Variants in ESS2 observed in about 807,000 individuals in gnomAD.
ESS2 encodes ess-2 spliceosome associated protein.
A neutral mutation model predicts 52.0 loss-of-function variants in ESS2; 31 were observed. The ratio of observed to expected loss-of-function variants is 0.60; its 90% CI spans 0.45 to 0.81. ESS2 has a LOEUF of 0.81. ESS2 is among the 30% of genes least tolerant of loss of function. The pLI is 0.00. For missense variants in ESS2, 602 were observed against 637.2 expected, an observed-to-expected ratio of 0.94 and a Z score of 0.59; for synonymous variants, 285 against 259.2, an observed-to-expected ratio of 1.10 and a Z score of -0.95.
chr22:19,139,777 T>C, intron 4 of ESS2, 48 bp from the exon 5 acceptor site: 1 of 1,613,852 alleles, frequency 6.2e-7, no homozygotes. Flanking sequence ...CCCTGGGCAT[T>C]GTACCCATGG....
intron 3 of ESS2, among the ~76,000 whole-genome samples, chr22:19,141,663 GAA>G (rs2083688304): frequency 6.6e-6 from 1 of 152,210 alleles, no homozygotes; most frequent in South Asian, 2.1e-4. Flanking sequence ...GCCAATTAGG[GAA>G]AGAGACCATA....
intron 3 of ESS2, 121 bp downstream of exon 3, chr22:19,142,417 G>A (rs927133346): frequency 1.0e-5 from 9 of 874,510 alleles, no homozygotes; most frequent in East Asian, 1.0e-4. Flanking sequence ...TGCTATTTAC[G>A]CAAGACCCCT....
chr22:19,139,833 A>T (rs1569110625), intron 4 of ESS2, 22 bp downstream of exon 4: 2 of 1,613,892 alleles, frequency 1.2e-6, no homozygotes, highest in Non-Finnish European at 1.7e-6. Context: ...CGCCTATGTG[A>T]CACCCCAGAC....
chr22:19,139,887 A>G lies in ESS2; in HGVS notation c.538T>C (p.Trp180Arg). 1 of 1,614,108 alleles carries G rather than the reference A, an allele frequency of 6.2e-7. No homozygotes were observed. The highest frequency in any genetic ancestry group is 8.5e-7 in the Non-Finnish European group (1 of 1,179,994). ...AKERSRARHAWLYQAEEEFEK... is the reference protein window; with the variant it reads ...AKERSRARHARLYQAEEEFEK... The stretch of plus-strand genomic sequence containing the variant: ...AACTCTTCCTCAGCCTGGTAGAGCC[A>G]AGCGTGGCGTGCCCGGCTTCTCTCC... The change falls in exon 4 of 10, where the codon TGG becomes CGG. Residue 180 changes from tryptophan to arginine, a missense_variant. Physicochemically the swap from Trp to Arg is moderately radical, Grantham distance 101. Coordinates refer to ENST00000252137, the MANE Select transcript of ESS2 (RefSeq NM_022719.3).
chr22:19,142,557 G>A lies in ESS2; in HGVS notation c.381C>T (p.Arg127=), dbSNP rs146347276. 7.8e-5 allele frequency: 126 copies of A among 1,609,352 alleles called. No homozygotes were observed. Among genetic ancestry groups the A allele is most frequent in the Admixed American group, 1.7e-4 (10 of 58,714 alleles). The part of the protein sequence containing the change: ...TGVVGNKPRP[R]GRGLEDGEAG... Reference sequence around the variant, plus strand: ...ACTCACCATCCTCCAGGCCTCGGCCGCGGGGCCTGGGCTTGTTGCCCACCA... The same window carrying A: ...ACTCACCATCCTCCAGGCCTCGGCCACGGGGCCTGGGCTTGTTGCCCACCA... The change falls in exon 3 of 10, where the codon CGC becomes CGT. Residue 127 remains arginine, a synonymous_variant. Coordinates refer to ENST00000252137, the MANE Select transcript of ESS2 (RefSeq NM_022719.3).
In ESS2 at chr22:19,137,433, C is replaced by T; in HGVS notation, c.926-1G>A. 1 of 1,611,274 alleles carries T rather than the reference C, an allele frequency of 6.2e-7. No individual in the cohort carries two copies. The highest frequency in any genetic ancestry group is 8.5e-7 in the Non-Finnish European group (1 of 1,178,410). On this transcript the variant is annotated splice_acceptor_variant, in intron 7 of 9. Transcript: ENST00000252137. LOFTEE classifies it high-confidence loss of function. Reference sequence around the variant, plus strand: ...GTCATCATCGGGGACTCGTTCACACCTGCAGACAAAGAGCCCAAAACCACC... The same window carrying T: ...GTCATCATCGGGGACTCGTTCACACTTGCAGACAAAGAGCCCAAAACCACC...
At chr22:19,144,223 G>C (rs895186614) in intron 1 of ESS2, 5 of 1,197,442 alleles carry the variant, frequency 4.2e-6, no homozygotes, top group Non-Finnish European at 4.2e-6. Context: ...CATCCTTCCA[G>C]TTTGTCAAAC....
intron 1 of ESS2, among the ~76,000 whole-genome samples, chr22:19,143,591 C>T (rs921455875): frequency 7.9e-5 from 12 of 152,206 alleles, no homozygotes; most frequent in African/African-American, 2.9e-4. Flanking sequence ...CATGGTAGCT[C>T]ACGCCTGTAA....
At chr22:19,135,438 G>C (rs2083565173) in intron 8 of ESS2, among the ~76,000 whole-genome samples, 2 of 152,222 alleles carry the variant, frequency 1.3e-5, no homozygotes. Context: ...GTCTGTTTTA[G>C]TGTTTCCCTG....
rs773360488 is a variant in ESS2, at chr22:19,142,618, GT to G, written c.319del (p.Thr107HisfsTer42). On this transcript the variant is annotated frameshift_variant, in exon 3 of 10. Transcript: ENST00000252137. LOFTEE classifies it high-confidence loss of function. ...TGCATGCACCTCAGGGGTTTCAAAT[GT>G]GGCTGGAGTCACATCTAGGGGAAGA... Reference protein sequence around the residue: ...EPPPPYVTPATFETPEVHAGT... With the variant: ...EPPPPYVTPAXFETPEVHAGT... The G allele has an allele frequency of 4.3e-6, 7 of 1,613,446 alleles. No homozygotes were observed. Among genetic ancestry groups the G allele is most frequent in the Admixed American group, 1.7e-5 (1 of 59,846 alleles).
chr22:19,136,823 C>T (rs2083590296), intron 8 of ESS2, among the ~76,000 whole-genome samples: 1 of 152,140 alleles, frequency 6.6e-6, no homozygotes, highest in Non-Finnish European at 1.5e-5. Flanking sequence ...GAAAGGCCCG[C>T]AGTGGTATGG....
At position 19,131,662 on chromosome 22, in the gene ESS2, T is replaced by C. The variant is rs1186085198; in HGVS notation, c.*2534A>G. ...GAGACCTCTGACGGACGGATCTACA[T>C]CATCATGGAGCTTGGCGTCCAGGGC... On this transcript the variant is annotated 3_prime_UTR_variant, in exon 10 of 10. Coordinates refer to ENST00000252137, the MANE Select transcript of ESS2 (RefSeq NM_022719.3). This position sits in a 1 kb window ranked among gnomAD's most constrained non-coding sequence, Gnocchi z 5.7. 1 of 1,613,762 alleles carries C rather than the reference T, an allele frequency of 6.2e-7. No homozygotes were observed. The highest frequency in any genetic ancestry group is 8.5e-7 in the Non-Finnish European group (1 of 1,179,958).
Position 19,133,793 on chromosome 22 carries a change from C to T in ESS2, c.*403G>A, listed in dbSNP as rs546739386. On this transcript the variant is annotated 3_prime_UTR_variant, in exon 10 of 10. Coordinates refer to ENST00000252137, the MANE Select transcript of ESS2 (RefSeq NM_022719.3). The stretch of plus-strand genomic sequence containing the variant: ...GCCGCAGAAAGCAACGCCAGTCACC[C>T]GGTGCTCCCACAGCCGCCCCACCTG... The T allele has an allele frequency of 1.3e-4, 23 of 182,178 alleles. No homozygotes were observed. In the South Asian group the frequency reaches 3.4e-3, roughly 27 times the overall value. 11.3% of individuals were successfully genotyped at this position (182,178 alleles called of 1,614,324 possible).
At position 19,134,051 on chromosome 22, in the gene ESS2, C is replaced by T. The variant is rs2083536731; in HGVS notation, c.*145G>A. On this transcript the variant is annotated 3_prime_UTR_variant, in exon 10 of 10. Transcript: ENST00000252137. ...GTGCCTTGTGCCAGTCTGGCCCCAG[C>T]ACAGCCCCTTTCTCCAGTGACTCCT... The T allele has an allele frequency of 2.9e-6, 3 of 1,037,748 alleles. No individual in the cohort carries two copies. Among genetic ancestry groups the T allele is most frequent in the South Asian group, 6.0e-5 (2 of 33,246 alleles). The allele number at this position is 1,037,748 out of a possible 1,614,324, so 64.3% of individuals were successfully genotyped here.
At position 19,138,235 on chromosome 22, in the gene ESS2, G is replaced by T; in HGVS notation, c.905C>A (p.Ala302Asp). The change falls in exon 7 of 10, where the codon GCC (alanine) becomes GAC (aspartate). Residue 302 changes from alanine (A) to aspartate (D), a missense_variant. By Grantham distance (126) the Ala-to-Asp change is moderately radical. Transcript: ENST00000252137. Reference sequence around the variant, plus strand: ...CTCACCAGGGGCAGGGGAAGGAGTGGCAACAAATCCAAATCCACCCACTCG... The same window carrying T: ...CTCACCAGGGGCAGGGGAAGGAGTGTCAACAAATCCAAATCCACCCACTCG... ...SPRVGGFGFV[A>D]TPSPAPGVNE... The T allele has an allele frequency of 6.2e-7, 1 of 1,614,062 alleles. No homozygotes were observed. Among genetic ancestry groups the T allele is most frequent in the Non-Finnish European group, 8.5e-7 (1 of 1,179,980 alleles).
At chr22:19,138,036 C>A (rs766833827) in intron 7 of ESS2, 179 bp downstream of exon 7, 68 of 985,256 alleles carry the variant, frequency 6.9e-5, no homozygotes, top group Non-Finnish European at 8.2e-5. Context: ...CCCACGGCCC[C>A]AAGCAGCCTG....
chr22:19,137,317 A>G lies in ESS2; in HGVS notation c.1035+6T>C. 6.2e-7 allele frequency: 1 copy of G among 1,606,268 alleles called. No individual in the cohort carries two copies. The highest frequency in any genetic ancestry group is 8.5e-7 in the Non-Finnish European group (1 of 1,174,924). On this transcript the variant is annotated splice_donor_region_variant and intron_variant, in intron 8 of 9. Coordinates refer to ENST00000252137, the MANE Select transcript of ESS2 (RefSeq NM_022719.3). ...CGCACACAGTTCCCCCATCACCACA[A>G]CCCACCTTAAAAGCTGGGCCGGGTG... is the stretch of plus-strand genomic sequence containing the variant.
At chr22:19,134,566 G>A in intron 9 of ESS2, 91 bp from the exon 10 acceptor site, 1 of 1,340,248 alleles carries the variant, frequency 7.5e-7, no homozygotes. Context: ...GAAGAGCCTG[G>A]GCAGAGACAC....
chr22:19,132,665 T>C lies in ESS2; in HGVS notation c.*1531A>G, dbSNP rs1468685987. On this transcript the variant is annotated 3_prime_UTR_variant, in exon 10 of 10. Coordinates refer to ENST00000252137, the MANE Select transcript of ESS2 (RefSeq NM_022719.3). This position sits in a 1 kb window ranked among gnomAD's most constrained non-coding sequence, Gnocchi z 4.2. ...TCCACTTAGCAGCAAAGACGTTCCTTACTGACCACCAAATAAACCACAGGG... is the reference window on the plus strand; with the variant it reads ...TCCACTTAGCAGCAAAGACGTTCCTCACTGACCACCAAATAAACCACAGGG... 2.4e-5 allele frequency: 15 copies of C among 626,362 alleles called. No homozygotes were observed. In the Admixed American group the frequency reaches 4.6e-4, roughly 19 times the overall value. 38.8% of individuals were successfully genotyped at this position (626,362 alleles called of 1,614,324 possible).
Sources: gnomAD v4.1 joint callset for allele counts (sites outside exome capture counted in the v4.1 genomes callset) on GRCh38, gnomAD v4.1.1 for gene constraint, Gnocchi (gnomAD v3.1) non-coding constraint, MANE v1.5 for transcripts, NCBI Gene and HGNC (gene_info 2026-07-23, HGNC 2026-07-21) for gene names.